GABRG1: variants seen among roughly 807,000 people sequenced by gnomAD.
GABRG1 encodes the protein gamma-aminobutyric acid type A receptor subunit gamma1, also known as gamma-aminobutyric acid receptor subunit gamma-1.
Under a neutral mutation model 49.8 loss-of-function variants are expected in GABRG1, and 49 were observed. That is an observed-to-expected ratio of 0.98 (90% CI 0.78 to 1.25). The LOEUF is 1.25. Ranked by LOEUF, GABRG1 falls within the 50% of genes most tolerant of loss-of-function variation. The pLI is 0.00. For missense variants in GABRG1, 552 were observed against 552.3 expected (o/e 1.00, Z 0.01); for synonymous variants, 232 against 185.1 (o/e 1.25, Z -2.06).
At position 46,035,928 on chromosome 4, in the gene GABRG1, TA is replaced by T. The variant is rs1479104059; in HGVS notation, c.*5059del. 6.6e-6 allele frequency: 1 copy of T among 151,942 alleles called. No individual in the cohort carries two copies. Among genetic ancestry groups the T allele is most frequent in the Non-Finnish European group, 1.5e-5 (1 of 67,892 alleles). 9.4% of individuals were successfully genotyped at this position (151,942 alleles called of 1,614,324 possible). A position where few individuals can be genotyped will look rare whatever the true frequency, so the allele number is the denominator to read the frequency against. ...GCAGTAGCAGAATAACAGAAGCCATTATAATCACAAGCCATAAAACTTTATT... is the reference window on the plus strand; with the variant it reads ...GCAGTAGCAGAATAACAGAAGCCATTTAATCACAAGCCATAAAACTTTATT... On this transcript the variant is annotated 3_prime_UTR_variant, in exon 9 of 9. Coordinates refer to ENST00000295452, the MANE Select transcript of GABRG1 (RefSeq NM_173536.4).
intron 3 of GABRG1, among the ~76,000 whole-genome samples, chr4:46,080,839 T>G (rs567127706): frequency 6.6e-6 from 1 of 151,858 alleles, no homozygotes; most frequent in Admixed American, 6.6e-5. Flanking sequence ...CTCTAGGCAT[T>G]GGTTACTTAG....
intron 1 of GABRG1, among the ~76,000 whole-genome samples, chr4:46,114,661 G>GA (rs561003490): frequency 2.0e-4 from 30 of 149,572 alleles, no homozygotes; most frequent in South Asian, 1.5e-3. Context: ...TAAGTGAACA[G>GA]AAAAAAAAAT....
intron 1 of GABRG1, among the ~76,000 whole-genome samples, chr4:46,104,240 G>C (rs1006921710): frequency 1.3e-5 from 2 of 151,340 alleles, no homozygotes; most frequent in East Asian, 3.9e-4. Flanking sequence ...AACATACATA[G>C]AGATTGTAGT....
intron 5 of GABRG1, among the ~76,000 whole-genome samples, chr4:46,062,871 A>G (rs1022713028): frequency 6.6e-6 from 1 of 152,058 alleles, no homozygotes; most frequent in Non-Finnish European, 1.5e-5. Context: ...TTATACACCA[A>G]TAACAGACAA....
intron 1 of GABRG1, among the ~76,000 whole-genome samples, chr4:46,115,015 A>T (rs574782214): frequency 6.6e-6 from 1 of 151,052 alleles, no homozygotes; most frequent in South Asian, 2.1e-4. Flanking sequence ...AATATTGTTA[A>T]TGTATGATTC....
intron 1 of GABRG1, among the ~76,000 whole-genome samples, chr4:46,106,535 CAT>C (rs1445162633): frequency 2.0e-5 from 3 of 151,434 alleles, no homozygotes; most frequent in African/African-American, 7.3e-5. Context: ...TTCCTCAAAA[CAT>C]AATACAGCAA....
chr4:46,045,893 T>C (rs1340726964), intron 8 of GABRG1, among the ~76,000 whole-genome samples: 1 of 152,010 alleles, frequency 6.6e-6, no homozygotes, highest in Non-Finnish European at 1.5e-5. Flanking sequence ...GTTAAAATAC[T>C]GAGAAAGAGA....
At chr4:46,066,309 A>C (rs1414735970) in intron 3 of GABRG1, among the ~76,000 whole-genome samples, 1 of 152,160 alleles carries the variant, frequency 6.6e-6, no homozygotes, top group Non-Finnish European at 1.5e-5. Context: ...CTAAAAAGTT[A>C]ATTCCAATTA....
chr4:46,118,307 T>C (rs73146826), intron 1 of GABRG1, among the ~76,000 whole-genome samples: 14,086 of 149,946 alleles, frequency 0.094, 1,648 homozygotes, highest in African/African-American at 0.28. Flanking sequence ...TATATATATC[T>C]TTCCCTCATA....
At chr4:46,113,838 A>G (rs1259716076) in intron 1 of GABRG1, among the ~76,000 whole-genome samples, 5 of 151,054 alleles carry the variant, frequency 3.3e-5, no homozygotes, top group Admixed American at 6.6e-5. Context: ...CACAGGCCCT[A>G]TCTGTGATCT....
intron 8 of GABRG1, among the ~76,000 whole-genome samples, chr4:46,049,139 A>T (rs1444015644): frequency 2.0e-5 from 3 of 151,890 alleles, no homozygotes; most frequent in Non-Finnish European, 4.4e-5. Context: ...AGGAGAGAGA[A>T]AGGCGGAAGG....
chr4:46,112,862 A>T (rs982650257), intron 1 of GABRG1, among the ~76,000 whole-genome samples: 2 of 151,034 alleles, frequency 1.3e-5, no homozygotes, highest in Non-Finnish European at 3.0e-5. Context: ...GATTATTCCT[A>T]CTTCAAAGCT....
chr4:46,065,721 T>C lies in GABRG1; in HGVS notation c.322-137A>G, dbSNP rs555636870. 5.1e-6 allele frequency: 3 copies of C among 593,238 alleles called. No individual in the cohort carries two copies. The African/African-American group carries it at 5.6e-5, about 11-fold the overall frequency. The allele number at this position is 593,238 out of a possible 1,614,324, so 36.7% of individuals were successfully genotyped here. On this transcript the variant is annotated intron_variant, in intron 3 of 8. Coordinates refer to ENST00000295452, the MANE Select transcript of GABRG1 (RefSeq NM_173536.4). ...GTCTTTTCGGAGGAAAAAAATGCCA[T>C]TATTTTAAACTTTTTTTTTGAGACA...
chr4:46,112,498 GA>G (rs1720748291), intron 1 of GABRG1, among the ~76,000 whole-genome samples: 1 of 151,216 alleles, frequency 6.6e-6, no homozygotes, highest in African/African-American at 2.4e-5. Context: ...ATATCCAAAA[GA>G]AAACAAATAA....
intron 7 of GABRG1, among the ~76,000 whole-genome samples, chr4:46,052,735 A>G (rs1718278350): frequency 6.6e-6 from 1 of 151,950 alleles, no homozygotes; most frequent in Non-Finnish European, 1.5e-5. Context: ...CATAATGCTA[A>G]ATGCTTCTTA....
intron 2 of GABRG1, among the ~76,000 whole-genome samples, chr4:46,095,849 T>C (rs1720147653): frequency 6.6e-6 from 1 of 151,822 alleles, no homozygotes; most frequent in Non-Finnish European, 1.5e-5. Flanking sequence ...AGGTTCGGGG[T>C]TACAAGTGAA....
chr4:46,090,738 C>G (rs1383204805), intron 2 of GABRG1, among the ~76,000 whole-genome samples: 1 of 151,854 alleles, frequency 6.6e-6, no homozygotes, highest in Non-Finnish European at 1.5e-5. Context: ...TAACAATTCC[C>G]TGAAGATAAT....
chr4:46,109,981 AT>A (rs746567215), intron 1 of GABRG1, among the ~76,000 whole-genome samples: 4 of 151,082 alleles, frequency 2.6e-5, no homozygotes, highest in Non-Finnish European at 5.9e-5. Context: ...AGAAAAATGT[AT>A]ATTCTCTGGT....
At chr4:46,094,268 A>T (rs1027436736) in intron 2 of GABRG1, among the ~76,000 whole-genome samples, 3 of 152,100 alleles carry the variant, frequency 2.0e-5, no homozygotes, top group South Asian at 2.1e-4. Flanking sequence ...CTTCAAAATG[A>T]CTGTAAATGT....
Sources: gnomAD v4.1 joint callset for allele counts (sites outside exome capture counted in the v4.1 genomes callset) on GRCh38, gnomAD v4.1.1 for gene constraint, MANE v1.5 for transcripts, NCBI Gene and HGNC (gene_info 2026-07-23, HGNC 2026-07-21) for gene names.